Variants in CPLX1 observed in about 807,000 individuals in gnomAD.
CPLX1 encodes complexin 1.
Under a neutral mutation model 15.6 loss-of-function variants are expected in CPLX1, and 6 were observed. The observed-to-expected ratio is 0.39, with a 90% confidence interval of 0.21 to 0.76. CPLX1 has a LOEUF of 0.76. Ranked by LOEUF, CPLX1 falls within the 30% of genes least tolerant of loss-of-function variation. The pLI is 0.43. For synonymous variants in CPLX1, 91 were observed against 75.2 expected (o/e 1.21, Z -1.08); for missense variants, 242 against 188.6 (o/e 1.28, Z -1.66).
At chr4:817,427 A>G (rs10016151) in intron 2 of CPLX1, among the ~76,000 whole-genome samples, 60,286 of 150,572 alleles carry the variant, frequency 0.4, 12,187 homozygotes, top group Middle Eastern at 0.49. Flanking sequence ...GCGTGGTGGC[A>G]GGCACCTGTA....
In CPLX1 at chr4:786,373, C is replaced by CAGGGCGGGCCTGGGG. The variant is rs1203853982; in HGVS notation, c.*113_*127dup. 9.5e-7 allele frequency: 1 copy of CAGGGCGGGCCTGGGG among 1,047,746 alleles called. No homozygotes were observed. The highest frequency in any genetic ancestry group is 1.3e-6 in the Non-Finnish European group (1 of 782,424). The allele number at this position is 1,047,746 out of a possible 1,614,324, so 64.9% of individuals were successfully genotyped here. A position where few individuals can be genotyped will look rare whatever the true frequency, so the allele number is the denominator to read the frequency against. ...GGGTGAGGGAGGCGGCGGGCGCGGG[C>CAGGGCGGGCCTGGGG]AGGGCGGGCCTGGGGCTATGGCTTA... is the stretch of plus-strand genomic sequence containing the variant. On this transcript the variant is annotated 3_prime_UTR_variant, in exon 4 of 4. Coordinates refer to ENST00000304062, the MANE Select transcript of CPLX1 (RefSeq NM_006651.4).
intron 2 of CPLX1, among the ~76,000 whole-genome samples, chr4:815,410 CAA>C (rs71166897): frequency 8.6e-5 from 8 of 93,346 alleles, no homozygotes; most frequent in Admixed American, 1.3e-4. Flanking sequence ...GACTCCGTCT[CAA>C]AAAAAAAAAA....
At chr4:795,650 G>A (rs752392103) in intron 2 of CPLX1, among the ~76,000 whole-genome samples, 13 of 152,182 alleles carry the variant, frequency 8.5e-5, no homozygotes, top group Non-Finnish European at 1.6e-4. Flanking sequence ...GGAGGCGGTG[G>A]GGGGGCGCAC....
intron 2 of CPLX1, among the ~76,000 whole-genome samples, chr4:824,124 G>A (rs566546187): frequency 1.4e-4 from 22 of 152,368 alleles, no homozygotes; most frequent in African/African-American, 5.3e-4. Context: ...CCCCTTGGGG[G>A]CTGCCCAGCC....
At chr4:792,718 A>C (rs1746221871) in intron 2 of CPLX1, 110 bp from the exon 3 acceptor site, 54 of 1,173,790 alleles carry the variant, frequency 4.6e-5, no homozygotes, top group South Asian at 1.4e-4. Flanking sequence ...CCCTCCATCC[A>C]CTCGACCCTC....
At chr4:789,270 G>A (rs1009156018) in intron 3 of CPLX1, among the ~76,000 whole-genome samples, 13 of 152,154 alleles carry the variant, frequency 8.5e-5, no homozygotes, top group East Asian at 3.9e-4. Flanking sequence ...CAGGCCCACC[G>A]TGATGCTGGG....
chr4:792,239 G>C (rs1412062792), intron 3 of CPLX1, among the ~76,000 whole-genome samples, 194 bp downstream of exon 3: 1 of 152,170 alleles, frequency 6.6e-6, no homozygotes, highest in Admixed American at 6.5e-5. Flanking sequence ...AGCAGGAGGG[G>C]CTGGGCCCCA....
In CPLX1 at chr4:826,034, G is replaced by C. The variant is rs1167916835; in HGVS notation, c.-80+12C>G. Reference sequence around the variant, plus strand: ...GGAGGCCGGGCGCGCGCTGCGCTCGGGGCGCGGTTACCTTCCCGGGGCGCG... The same window carrying C: ...GGAGGCCGGGCGCGCGCTGCGCTCGCGGCGCGGTTACCTTCCCGGGGCGCG... On this transcript the variant is annotated intron_variant, in intron 1 of 3. Transcript: ENST00000304062. 6.6e-6 allele frequency: 1 copy of C among 150,508 alleles called. No individual in the cohort carries two copies. The highest frequency in any genetic ancestry group is 1.5e-5 in the Non-Finnish European group (1 of 67,502). The allele number at this position is 150,508 out of a possible 1,614,324, so 9.3% of individuals were successfully genotyped here. A position where few individuals can be genotyped will look rare whatever the true frequency, so the allele number is the denominator to read the frequency against.
chr4:809,913 C>T (rs1746631224), intron 2 of CPLX1, among the ~76,000 whole-genome samples: 1 of 152,202 alleles, frequency 6.6e-6, no homozygotes, highest in Non-Finnish European at 1.5e-5. Flanking sequence ...CTGGGACACC[C>T]CATCACACCA....
intron 2 of CPLX1, among the ~76,000 whole-genome samples, chr4:819,772 C>T (rs1218516916): frequency 6.6e-6 from 1 of 152,230 alleles, no homozygotes; most frequent in Non-Finnish European, 1.5e-5. Context: ...GTAAAGACCA[C>T]CACTAAACAG....
At chr4:788,764 C>G (rs1746078604) in intron 3 of CPLX1, among the ~76,000 whole-genome samples, 1 of 150,270 alleles carries the variant, frequency 6.7e-6, no homozygotes, top group Admixed American at 6.6e-5. Context: ...GCCAGAGAGC[C>G]TCCCTCCAGC....
intron 2 of CPLX1, among the ~76,000 whole-genome samples, chr4:795,615 G>A (rs780770238): frequency 6.6e-5 from 10 of 152,202 alleles, no homozygotes; most frequent in Non-Finnish European, 1.2e-4. Flanking sequence ...CGTTCTCTGA[G>A]CCTCAGCTTC....
At chr4:790,543 C>T (rs1400172688) in intron 3 of CPLX1, among the ~76,000 whole-genome samples, 2 of 152,300 alleles carry the variant, frequency 1.3e-5, no homozygotes, top group African/African-American at 4.8e-5. Flanking sequence ...ACGCTGCTGG[C>T]CCTGTCCCCA....
intron 2 of CPLX1, among the ~76,000 whole-genome samples, chr4:800,745 A>G (rs2152645188): frequency 6.8e-6 from 1 of 146,360 alleles, no homozygotes; most frequent in East Asian, 2.0e-4. Flanking sequence ...ATATATATAT[A>G]TATATATATA....
At chr4:794,253 G>A (rs533649968) in intron 2 of CPLX1, among the ~76,000 whole-genome samples, 21 of 152,234 alleles carry the variant, frequency 1.4e-4, no homozygotes, top group Non-Finnish European at 2.4e-4. Context: ...TGCAGGCGCC[G>A]CCGACTGCAC....
chr4:795,780 C>T (rs1334025242), intron 2 of CPLX1, among the ~76,000 whole-genome samples: 1 of 149,002 alleles, frequency 6.7e-6, no homozygotes, highest in East Asian at 2.0e-4. Flanking sequence ...CCCGGGAGCT[C>T]GCCCCAAACC....
intron 2 of CPLX1, among the ~76,000 whole-genome samples, chr4:800,448 A>T (rs751542311): frequency 4.6e-5 from 7 of 151,860 alleles, no homozygotes; most frequent in Non-Finnish European, 8.8e-5. Flanking sequence ...CAGCCTGGGC[A>T]AAATGGGGAA....
intron 2 of CPLX1, among the ~76,000 whole-genome samples, chr4:806,999 C>T (rs537255108): frequency 6.6e-6 from 1 of 152,210 alleles, no homozygotes; most frequent in Non-Finnish European, 1.5e-5. Context: ...GAATATAAAT[C>T]ATTCTATTTT....
At chr4:799,290 T>TCGCATTTCTA (rs946047202) in intron 2 of CPLX1, among the ~76,000 whole-genome samples, 1 of 152,190 alleles carries the variant, frequency 6.6e-6, no homozygotes, top group African/African-American at 2.4e-5. Context: ...TTTTCATCGG[T>TCGCATTTCTA]CGCATTTCTA....
Sources: allele counts gnomAD v4.1 joint callset (sites outside exome capture counted in the v4.1 genomes callset), GRCh38; gene constraint gnomAD v4.1.1; transcripts MANE v1.5; gene names NCBI Gene and HGNC (gene_info 2026-07-23, HGNC 2026-07-21).